Variants in CRYBB2 observed in about 807,000 individuals in gnomAD.
The protein encoded by CRYBB2 is crystallin beta B2, also known as beta-crystallin B2.
CRYBB2 carries 12 observed loss-of-function variants against 24.3 expected under a neutral mutation model. That is an observed-to-expected ratio of 0.49 (90% CI 0.32 to 0.80). The LOEUF is 0.80. CRYBB2 is among the 30% of genes least tolerant of loss of function. The probability of loss-of-function intolerance (pLI) is 0.04; values close to 1 mark genes in which losing one functional copy is unlikely to be tolerated. For synonymous variants in CRYBB2, 98 were observed against 101.6 expected, an observed-to-expected ratio of 0.96 and a Z score of 0.21; for missense variants, 198 against 268.5, an observed-to-expected ratio of 0.74 and a Z score of 1.83.
chr22:25,216,823 C>G (rs1935175881), upstream of CRYBB2, among the ~76,000 whole-genome samples: 1 of 152,160 alleles, frequency 6.6e-6, no homozygotes, highest in Non-Finnish European at 1.5e-5. Flanking sequence ...TATTCTACTT[C>G]CAGTCTCCAT....
At chr22:25,225,624 C>T (rs5752084) in intron 3 of CRYBB2, among the ~76,000 whole-genome samples, 73,775 of 152,066 alleles carry the variant, frequency 0.49, 18,834 homozygotes, top group East Asian at 0.87. Flanking sequence ...CTATGTGAGC[C>T]TGCAGAGTCT....
intron 5 of CRYBB2, among the ~76,000 whole-genome samples, chr22:25,230,131 C>T (rs73403346): frequency 0.04 from 6,010 of 150,578 alleles, 305 homozygotes; most frequent in African/African-American, 0.11. Flanking sequence ...GTGCTGGAAA[C>T]AGCTTATACC....
At chr22:25,216,048 A>G (rs1007190196), upstream of CRYBB2, among the ~76,000 whole-genome samples, 4 of 152,236 alleles carry the variant, frequency 2.6e-5, no homozygotes, top group South Asian at 2.1e-4. Flanking sequence ...TTAAAAAAAG[A>G]TGAGTATGGA....
At chr22:25,218,812 A>AAAAGAAAG (rs1935262447), upstream of CRYBB2, among the ~76,000 whole-genome samples, 1 of 133,160 alleles carries the variant, frequency 7.5e-6, no homozygotes, top group Non-Finnish European at 1.6e-5. Flanking sequence ...GAAAGAAAGA[A>AAAAGAAAG]AGAAAGAAAG....
chr22:25,227,967 C>T lies in CRYBB2; in HGVS notation c.288C>T (p.Ser96=). Residue 96 remains serine (S), a synonymous_variant, in exon 4 of 6, where the codon TCC becomes TCT. Transcript: ENST00000398215. ...TSSRRTDSLS[S]LRPIKVDSQE... ...GCCGAAGGACGGACTCCCTCAGCTCCCTGAGGCCCATCAAAGTGGTGAGCC... is the reference window on the plus strand; with the variant it reads ...GCCGAAGGACGGACTCCCTCAGCTCTCTGAGGCCCATCAAAGTGGTGAGCC... The T allele has an allele frequency of 1.2e-6, 2 of 1,614,136 alleles. No homozygotes were observed. The highest frequency in any genetic ancestry group is 1.7e-6 in the Non-Finnish European group (2 of 1,180,018).
chr22:25,224,632 A>C (rs1935380336), intron 2 of CRYBB2, among the ~76,000 whole-genome samples: 1 of 152,020 alleles, frequency 6.6e-6, no homozygotes, highest in Admixed American at 6.5e-5. Flanking sequence ...GCCTCCCAAA[A>C]TGCTGAGATT....
At chr22:25,218,614 C>A (rs991781396), upstream of CRYBB2, among the ~76,000 whole-genome samples, 1 of 148,656 alleles carries the variant, frequency 6.7e-6, no homozygotes, top group Admixed American at 6.8e-5. Context: ...TGCAGTGAGC[C>A]GAGATCACAC....
upstream of CRYBB2, among the ~76,000 whole-genome samples, chr22:25,218,258 C>CA (rs34191563): frequency 0.095 from 12,795 of 134,518 alleles, 621 homozygotes; most frequent in East Asian, 0.14. Context: ...GACTCCATCT[C>CA]AAAAAAAAAA....
At chr22:25,218,222 G>A (rs1197762359), upstream of CRYBB2, among the ~76,000 whole-genome samples, 3 of 150,736 alleles carry the variant, frequency 2.0e-5, no homozygotes, top group South Asian at 2.1e-4. Context: ...TCGTGCCACT[G>A]CACTCCAGCC....
At chr22:25,224,322 C>A (rs1313927965) in intron 2 of CRYBB2, among the ~76,000 whole-genome samples, 1 of 152,046 alleles carries the variant, frequency 6.6e-6, no homozygotes, top group African/African-American at 2.4e-5. Context: ...CATGCTGCTT[C>A]CATTTCAGCT....
upstream of CRYBB2, among the ~76,000 whole-genome samples, chr22:25,216,963 T>C (rs1010243506): frequency 2.0e-5 from 3 of 152,358 alleles, no homozygotes; most frequent in South Asian, 4.1e-4. Flanking sequence ...CCTTTCTTTT[T>C]AAGGCTGAAT....
chr22:25,223,719 G>A (rs1461287999), intron 2 of CRYBB2, among the ~76,000 whole-genome samples: 2 of 152,170 alleles, frequency 1.3e-5, no homozygotes, highest in East Asian at 1.9e-4. Flanking sequence ...TGTGCTGACC[G>A]TGTCGATTCT....
chr22:25,225,915 G>C (rs1935404764), intron 3 of CRYBB2, among the ~76,000 whole-genome samples: 1 of 152,182 alleles, frequency 6.6e-6, no homozygotes, highest in African/African-American at 2.4e-5. Context: ...TTTCTGGATA[G>C]CTGAGATTTG....
intron 3 of CRYBB2, among the ~76,000 whole-genome samples, chr22:25,226,710 G>T (rs529482748): frequency 3.9e-4 from 60 of 152,210 alleles, no homozygotes; most frequent in Non-Finnish European, 1.0e-4. Flanking sequence ...TGTAGCTCTT[G>T]TCACCCAGGC....
intron 1 of CRYBB2, chr22:25,213,670 G>A (rs1287604006): frequency 2.0e-5 from 3 of 152,158 alleles, no homozygotes; most frequent in Admixed American, 2.0e-4. Context: ...ACCAGAATGA[G>A]TCACATGACA....
chr22:25,231,747 G>C lies in CRYBB2; in HGVS notation c.593G>C (p.Arg198Pro), dbSNP rs1442503450. 1 of 1,613,940 alleles carries C rather than the reference G, an allele frequency of 6.2e-7. No individual in the cohort carries two copies. Among genetic ancestry groups the C allele is most frequent in the South Asian group, 1.1e-5 (1 of 91,078 alleles). Residue 198 changes from arginine to proline, a missense_variant, in exon 6 of 6, where the codon CGT (arginine) becomes CCT (proline). Physicochemically the swap from Arg to Pro is moderately radical, Grantham distance 103 (BLOSUM62 -2). Transcript: ENST00000398215. ...ATCCGCGACATGCAGTGGCACCAAC[G>C]TGGTGCCTTCCACCCCTCCAACTAG... ...RRIRDMQWHQ[R>P]GAFHPSN
chr22:25,226,387 GT>G (rs1312485780), intron 3 of CRYBB2, among the ~76,000 whole-genome samples: 1 of 152,090 alleles, frequency 6.6e-6, no homozygotes, highest in African/African-American at 2.4e-5. Flanking sequence ...TAAAATGGAG[GT>G]TCTTGGGCCC....
intron 3 of CRYBB2, 136 bp downstream of exon 3, chr22:25,225,172 T>C: frequency 1.4e-6 from 1 of 732,386 alleles, no homozygotes; most frequent in Non-Finnish European, 2.5e-6. Context: ...ATGGAGATAA[T>C]TCATGCTTTG....
At chr22:25,225,699 T>G (rs1335859493) in intron 3 of CRYBB2, among the ~76,000 whole-genome samples, 2 of 152,202 alleles carry the variant, frequency 1.3e-5, no homozygotes, top group African/African-American at 4.8e-5. Context: ...TGTAGGAATG[T>G]CCGCTGGTGG....
Sources: allele counts gnomAD v4.1 joint callset (sites outside exome capture counted in the v4.1 genomes callset), GRCh38; gene constraint gnomAD v4.1.1; transcripts MANE v1.5; gene names NCBI Gene and HGNC (gene_info 2026-07-23, HGNC 2026-07-21).